The following MACROD2 variants were observed in gnomAD, a reference collection of about 807,000 sequenced individuals.
MACROD2 encodes the protein ADP-ribose glycohydrolase MACROD2.
MACROD2 carries 36 observed loss-of-function variants against 70.4 expected under a neutral mutation model. The observed-to-expected ratio is 0.51, with a 90% CI of 0.39 to 0.68. The LOEUF (loss-of-function observed/expected upper bound fraction) is 0.68, where lower values mean the gene tolerates loss of function less well. Ranked by LOEUF, MACROD2 falls within the 30% of genes least tolerant of loss-of-function variation. The pLI is 0.00. For missense variants in MACROD2, 496 were observed against 538.4 expected (o/e 0.92, Z 0.78); for synonymous variants, 172 against 178.8 (o/e 0.96, Z 0.30).
chr20:15,485,950 T>C (rs1252459705), intron 7 of MACROD2, among the ~76,000 whole-genome samples: 3 of 152,206 alleles, frequency 2.0e-5, no homozygotes, highest in Non-Finnish European at 2.9e-5. Context: ...CATTCTAAAT[T>C]CATTTTAGAT....
intron 12 of MACROD2, among the ~76,000 whole-genome samples, chr20:15,965,452 A>ATG (rs1323251748): frequency 6.6e-6 from 1 of 152,178 alleles, no homozygotes; most frequent in Non-Finnish European, 1.5e-5. Context: ...CAGAATCATA[A>ATG]TGTTTATGTA....
chr20:15,932,902 A>G (rs1303458472), intron 10 of MACROD2, among the ~76,000 whole-genome samples: 1 of 152,216 alleles, frequency 6.6e-6, no homozygotes, highest in South Asian at 2.1e-4. Flanking sequence ...AAAGGGCGAG[A>G]AACTTAGCCA....
chr20:14,943,667 T>C (rs1041727889), intron 5 of MACROD2, among the ~76,000 whole-genome samples: 1 of 152,200 alleles, frequency 6.6e-6, no homozygotes, highest in East Asian at 1.9e-4. Flanking sequence ...TCTTCTTATA[T>C]AGTAAACATG....
chr20:15,930,591 A>G (rs1568648620), intron 10 of MACROD2, among the ~76,000 whole-genome samples: 1 of 152,218 alleles, frequency 6.6e-6, no homozygotes, highest in Non-Finnish European at 1.5e-5. Flanking sequence ...GCATTCTTCT[A>G]GAAAGCATTT....
intron 8 of MACROD2, among the ~76,000 whole-genome samples, chr20:15,537,101 C>G (rs550915201): frequency 6.6e-6 from 1 of 152,130 alleles, no homozygotes; most frequent in Non-Finnish European, 1.5e-5. Context: ...GGGACCCAGT[C>G]GGACATAATT....
chr20:15,079,809 T>C (rs2075688829), intron 5 of MACROD2, among the ~76,000 whole-genome samples: 1 of 152,090 alleles, frequency 6.6e-6, no homozygotes, highest in African/African-American at 2.4e-5. Context: ...CTCAGCCTCC[T>C]AGAAAGTCTC....
intron 5 of MACROD2, among the ~76,000 whole-genome samples, chr20:14,939,645 A>G (rs1474113016): frequency 6.6e-6 from 1 of 152,172 alleles, no homozygotes; most frequent in Non-Finnish European, 1.5e-5. Context: ...GTATTTTGAT[A>G]GGGATTGCAT....
intron 4 of MACROD2, among the ~76,000 whole-genome samples, chr20:14,547,898 G>T (rs1045506494): frequency 6.6e-6 from 1 of 152,058 alleles, no homozygotes; most frequent in Non-Finnish European, 1.5e-5. Flanking sequence ...CTGCAGTCTC[G>T]TGTGGACTTG....
chr20:15,164,683 G>A (rs934832272), intron 5 of MACROD2, among the ~76,000 whole-genome samples: 15 of 152,108 alleles, frequency 9.9e-5, no homozygotes, highest in African/African-American at 3.6e-4. Flanking sequence ...ACCACTTGAG[G>A]CCAGGAGTTC....
chr20:15,621,841 G>A (rs2049130283), intron 8 of MACROD2, among the ~76,000 whole-genome samples: 1 of 152,224 alleles, frequency 6.6e-6, no homozygotes, highest in Non-Finnish European at 1.5e-5. Flanking sequence ...CATAGGGGTA[G>A]TTTAGACACC....
At chr20:15,693,913 T>C (rs2050330895) in intron 8 of MACROD2, among the ~76,000 whole-genome samples, 1 of 149,616 alleles carries the variant, frequency 6.7e-6, no homozygotes, top group African/African-American at 2.4e-5. Context: ...ATCATTCTTA[T>C]GCCTTTGCAT....
At chr20:14,243,989 A>G (rs1437637912) in intron 3 of MACROD2, among the ~76,000 whole-genome samples, 2 of 152,208 alleles carry the variant, frequency 1.3e-5, no homozygotes, top group African/African-American at 4.8e-5. Context: ...TTGAAGACCA[A>G]ATTAGACAGT....
chr20:15,622,525 G>A (rs1471984928), intron 8 of MACROD2, among the ~76,000 whole-genome samples: 1 of 152,116 alleles, frequency 6.6e-6, no homozygotes, highest in Non-Finnish European at 1.5e-5. Context: ...ATGACTAACA[G>A]GGCTGGTAGC....
intron 10 of MACROD2, among the ~76,000 whole-genome samples, chr20:15,887,486 G>A (rs1213212370): frequency 2.6e-5 from 4 of 152,132 alleles, no homozygotes; most frequent in African/African-American, 9.7e-5. Flanking sequence ...TTATTTTATA[G>A]CACCAACAGC....
chr20:15,018,752 G>T (rs973956763), intron 5 of MACROD2, among the ~76,000 whole-genome samples: 18 of 152,114 alleles, frequency 1.2e-4, no homozygotes, highest in African/African-American at 4.3e-4. Context: ...GATTAAGGGT[G>T]GATCTGCCTT....
At chr20:14,748,160 C>G (rs923440935) in intron 5 of MACROD2, among the ~76,000 whole-genome samples, 1 of 152,190 alleles carries the variant, frequency 6.6e-6, no homozygotes, top group East Asian at 1.9e-4. Context: ...CCAGTTAGTT[C>G]CTACACGCCT....
intron 8 of MACROD2, among the ~76,000 whole-genome samples, chr20:15,508,848 T>C (rs942174626): frequency 1.6e-4 from 25 of 152,202 alleles, no homozygotes; most frequent in African/African-American, 5.5e-4. Flanking sequence ...TTTGAAGATG[T>C]CCCAGATTTG....
intron 6 of MACROD2, among the ~76,000 whole-genome samples, chr20:15,355,418 G>A (rs1257450228): frequency 6.6e-6 from 1 of 152,174 alleles, no homozygotes; most frequent in Non-Finnish European, 1.5e-5. Context: ...TGGGTGGAGG[G>A]ACCAAGAGCT....
intron 10 of MACROD2, among the ~76,000 whole-genome samples, chr20:15,909,542 G>A (rs1210201557): frequency 2.2e-5 from 1 of 44,670 alleles, no homozygotes; most frequent in Non-Finnish European, 4.2e-5. Flanking sequence ...TTTTTTTTTT[G>A]AGACGGAGTC....
Sources: gnomAD v4.1 joint callset for allele counts (sites outside exome capture counted in the v4.1 genomes callset) on GRCh38, gnomAD v4.1.1 for gene constraint, MANE v1.5 for transcripts, NCBI Gene and HGNC (gene_info 2026-07-23, HGNC 2026-07-21) for gene names.